Variants in DOCK2 observed in about 807,000 individuals in gnomAD.
DOCK2 encodes dedicator of cytokinesis protein 2.
DOCK2 carries 87 observed loss-of-function variants against 248.9 expected under a neutral mutation model. The observed-to-expected ratio is 0.35, with a 90% CI of 0.29 to 0.42. The LOEUF is 0.42. DOCK2 is among the 10% of genes least tolerant of loss of function. The pLI is 1.00. For synonymous variants in DOCK2, 805 were observed against 821.6 expected (o/e 0.98, Z 0.35); for missense variants, 1,747 against 2,300.2 (o/e 0.76, Z 4.92).
chr5:169,700,961 G>GAAAC (rs1454405460), intron 13 of DOCK2, among the ~76,000 whole-genome samples: 1 of 151,674 alleles, frequency 6.6e-6, no homozygotes, highest in Non-Finnish European at 1.5e-5. Flanking sequence ...AAGAAAGAAA[G>GAAAC]AAAGAGAAAC....
chr5:170,014,938 T>C (rs1246744654), intron 32 of DOCK2, among the ~76,000 whole-genome samples: 1 of 152,112 alleles, frequency 6.6e-6, no homozygotes, highest in Non-Finnish European at 1.5e-5. Flanking sequence ...AATATTTCAA[T>C]GAGACAGAGA....
At chr5:169,637,407 A>G in intron 1 of DOCK2, 38 bp downstream of exon 1, 1 of 1,324,790 alleles carries the variant, frequency 7.5e-7, no homozygotes, top group South Asian at 2.0e-5. Flanking sequence ...GGAGCGGGAC[A>G]GGTGGCGGGA....
chr5:170,011,577 T>C (rs1343590323), intron 32 of DOCK2, among the ~76,000 whole-genome samples: 1 of 152,188 alleles, frequency 6.6e-6, no homozygotes, highest in Non-Finnish European at 1.5e-5. Flanking sequence ...GCTTCTCTTG[T>C]TCCTGGCTAC....
chr5:169,801,045 TC>T (rs1766945567), intron 25 of DOCK2, among the ~76,000 whole-genome samples: 1 of 140,134 alleles, frequency 7.1e-6, no homozygotes, highest in African/African-American at 2.6e-5. Context: ...AATTTCTGCC[TC>T]CCTGGTTTAA....
intron 22 of DOCK2, among the ~76,000 whole-genome samples, chr5:169,746,131 A>T (rs1763598269): frequency 6.6e-6 from 1 of 152,110 alleles, no homozygotes; most frequent in Non-Finnish European, 1.5e-5. Flanking sequence ...AAAAGAAGGA[A>T]AGAAAGAGAG....
At position 169,681,828 on chromosome 5, in the gene DOCK2, T is replaced by C. The variant is rs539623057; in HGVS notation, c.555T>C (p.His185=). 1.9e-6 allele frequency: 3 copies of C among 1,614,030 alleles called. No homozygotes were observed. Among genetic ancestry groups the C allele is most frequent in the Admixed American group, 1.7e-5 (1 of 60,014 alleles). ...ATACCAGTGTCATCAGCTTGTTCCA[T>C]GCACATGAGGAAGCAACTGATAAAA... ...PDNTSVISLF[H]AHEEATDKIT... Residue 185 remains histidine (H), a synonymous_variant, in exon 7 of 52, where the codon CAT becomes CAC. Coordinates refer to ENST00000520908, the MANE Select transcript of DOCK2 (RefSeq NM_004946.3).
chr5:170,066,557 A>G (rs1247124168), intron 44 of DOCK2, among the ~76,000 whole-genome samples: 1 of 152,240 alleles, frequency 6.6e-6, no homozygotes, highest in African/African-American at 2.4e-5. Flanking sequence ...CCTAACAGAC[A>G]TATACAGAAC....
At position 169,741,266 on chromosome 5, in the gene DOCK2, G is replaced by A. The variant is rs1337178083; in HGVS notation, c.2268-6130G>A. Among the ~76,000 whole-genome samples, 4 of 152,302 alleles carry A rather than the reference G, an allele frequency of 2.6e-5. No individual in the cohort carries two copies. In the East Asian group the frequency reaches 7.7e-4, roughly 29 times the overall value. Reference sequence around the variant, plus strand: ...ACCTTACAGGGAAGGGATGAATTAGGAAGGGAACCGTCTCTTTCACGAATC... The same window carrying A: ...ACCTTACAGGGAAGGGATGAATTAGAAAGGGAACCGTCTCTTTCACGAATC... On this transcript the variant is annotated intron_variant, in intron 22 of 51. Coordinates refer to ENST00000520908, the MANE Select transcript of DOCK2 (RefSeq NM_004946.3).
At chr5:169,651,814 G>A (rs918860549) in intron 1 of DOCK2, among the ~76,000 whole-genome samples, 23 of 152,310 alleles carry the variant, frequency 1.5e-4, no homozygotes, top group African/African-American at 4.8e-4. Flanking sequence ...AGCATCCCCC[G>A]AGGGCCCTCT....
chr5:170,050,715 C>T (rs1231446176), intron 41 of DOCK2, among the ~76,000 whole-genome samples: 1 of 149,872 alleles, frequency 6.7e-6, no homozygotes, highest in African/African-American at 2.6e-5. Flanking sequence ...CTCCAACTTG[C>T]TCCCTGCAGT....
At chr5:169,710,665 A>C (rs1761531097) in intron 15 of DOCK2, among the ~76,000 whole-genome samples, 1 of 152,186 alleles carries the variant, frequency 6.6e-6, no homozygotes, top group Admixed American at 6.5e-5. Context: ...GACTCCAAAC[A>C]CAAGATGCAC....
chr5:170,056,354 C>T (rs1757131048), intron 42 of DOCK2: 1 of 216,790 alleles, frequency 4.6e-6, no homozygotes, highest in Admixed American at 5.8e-5. Flanking sequence ...GGAAATTAGG[C>T]TCAGACCTCA....
chr5:169,796,944 A>T (rs941113327), intron 25 of DOCK2, among the ~76,000 whole-genome samples: 10 of 152,216 alleles, frequency 6.6e-5, no homozygotes, highest in African/African-American at 2.4e-4. Flanking sequence ...CATGCCAGAG[A>T]GTTGAAAAAA....
chr5:169,828,955 A>G (rs1476174492), intron 26 of DOCK2, among the ~76,000 whole-genome samples: 2 of 152,228 alleles, frequency 1.3e-5, no homozygotes, highest in African/African-American at 4.8e-5. Context: ...TTTGTTTAAC[A>G]GTGTAAGAGG....
At chr5:169,759,878 G>A in intron 24 of DOCK2, 103 bp downstream of exon 24, 10 of 1,264,670 alleles carry the variant, frequency 7.9e-6, no homozygotes, top group South Asian at 1.2e-5. Context: ...CTCAGCTTGG[G>A]GATGGGGAAG....
chr5:169,647,072 G>A (rs1443143177), intron 1 of DOCK2, among the ~76,000 whole-genome samples: 1 of 152,252 alleles, frequency 6.6e-6, no homozygotes, highest in Non-Finnish European at 1.5e-5. Flanking sequence ...CATTGGACAG[G>A]TTGGGGGCAG....
intron 39 of DOCK2, among the ~76,000 whole-genome samples, 180 bp from the exon 40 acceptor site, chr5:170,047,330 C>G (rs1756749933): frequency 6.6e-6 from 1 of 152,176 alleles, no homozygotes; most frequent in South Asian, 2.1e-4. Flanking sequence ...AACACAGTCC[C>G]TGGTATACTG....
At chr5:169,685,980 C>G (rs1759951232) in intron 8 of DOCK2, among the ~76,000 whole-genome samples, 1 of 152,168 alleles carries the variant, frequency 6.6e-6, no homozygotes, top group Non-Finnish European at 1.5e-5. Context: ...GTTTCAGCAC[C>G]ATTATGGTGG....
At chr5:169,676,073 C>T (rs113910223) in intron 6 of DOCK2, among the ~76,000 whole-genome samples, 2 of 152,128 alleles carry the variant, frequency 1.3e-5, no homozygotes, top group African/African-American at 4.8e-5. Context: ...ACATCTACGA[C>T]CTTCAAATGT....
Sources: allele counts gnomAD v4.1 joint callset (sites outside exome capture counted in the v4.1 genomes callset), GRCh38; gene constraint gnomAD v4.1.1; transcripts MANE v1.5; gene names NCBI Gene and HGNC (gene_info 2026-07-23, HGNC 2026-07-21).